Variants in NFIB observed in about 807,000 individuals in gnomAD.
The protein encoded by NFIB is nuclear factor 1 B-type.
NFIB carries 11 observed loss-of-function variants against 61.5 expected under a neutral mutation model. The observed-to-expected ratio is 0.18, with a 90% CI of 0.11 to 0.30. The LOEUF (loss-of-function observed/expected upper bound fraction) is 0.30. Among genes scored for constraint, NFIB ranks in the 10% least tolerant of loss-of-function variants. The pLI is 1.00. For synonymous variants in NFIB, 260 were observed against 216.5 expected (o/e 1.20, Z -1.76); for missense variants, 471 against 608.9 (o/e 0.77, Z 2.38).
intron 1 of NFIB, among the ~76,000 whole-genome samples, chr9:14,310,077 T>C (rs2060211077): frequency 6.6e-6 from 1 of 152,244 alleles, no homozygotes; most frequent in South Asian, 2.1e-4. Context: ...TGAGTTTCAA[T>C]ATTTGATTAT....
the NFIB span, among the ~76,000 whole-genome samples, chr9:14,515,208 T>C: frequency 6.6e-6 from 1 of 151,546 alleles, no homozygotes; most frequent in African/African-American, 2.4e-5. Flanking sequence ...ATCGCTAAGG[T>C]AGGGACATTG....
chr9:14,186,971 TTCTC>T (rs375135227), intron 2 of NFIB, among the ~76,000 whole-genome samples: 2,056 of 150,566 alleles, frequency 0.014, 53 homozygotes, highest in African/African-American at 0.047. Flanking sequence ...GGGAAATGGT[TTCTC>T]TCTCTCTCTC....
At chr9:14,191,880 T>G (rs1184671232) in intron 2 of NFIB, among the ~76,000 whole-genome samples, 1 of 152,252 alleles carries the variant, frequency 6.6e-6, no homozygotes, top group Non-Finnish European at 1.5e-5. Context: ...ATTTCAAAAC[T>G]GACATTGCCT....
At chr9:14,329,538 G>A (rs1230869259) in intron 1 of NFIB, among the ~76,000 whole-genome samples, 4 of 151,632 alleles carry the variant, frequency 2.6e-5, no homozygotes, top group African/African-American at 4.8e-5. Flanking sequence ...TTTTTAAGAC[G>A]GAGTCTCACT....
intron 1 of NFIB, among the ~76,000 whole-genome samples, chr9:14,388,467 AAG>A (rs149904785): frequency 0.03 from 4,346 of 143,448 alleles, 200 homozygotes; most frequent in African/African-American, 0.096. Flanking sequence ...GAGAAAGAAA[AAG>A]AGAGAGAGAG....
chr9:14,239,851 G>A (rs905386609), intron 2 of NFIB, among the ~76,000 whole-genome samples: 3 of 152,122 alleles, frequency 2.0e-5, no homozygotes, highest in African/African-American at 4.8e-5. Flanking sequence ...GGGAGAGAGT[G>A]CAAGAGTTTA....
chr9:14,442,747 T>C, the NFIB span, among the ~76,000 whole-genome samples: 1 of 152,182 alleles, frequency 6.6e-6, no homozygotes, highest in Non-Finnish European at 1.5e-5. Flanking sequence ...GTAAAGACTC[T>C]CTGAATAAGG....
At chr9:14,378,259 C>T (rs746654094) in intron 1 of NFIB, among the ~76,000 whole-genome samples, 1 of 152,206 alleles carries the variant, frequency 6.6e-6, no homozygotes, top group Non-Finnish European at 1.5e-5. Flanking sequence ...TATTTAGGCT[C>T]AATATCTGGT....
the NFIB span, among the ~76,000 whole-genome samples, chr9:14,498,634 G>T: frequency 6.6e-6 from 1 of 152,116 alleles, no homozygotes. Flanking sequence ...GAGGAAATTT[G>T]GGTGTCTGGA....
chr9:14,122,533 A>G (rs1387199564), intron 7 of NFIB, among the ~76,000 whole-genome samples: 1 of 152,240 alleles, frequency 6.6e-6, no homozygotes. Flanking sequence ...TTCTTAAAAC[A>G]AAACTCTTTA....
At chr9:14,487,371 T>C in the NFIB span, among the ~76,000 whole-genome samples, 2 of 152,214 alleles carry the variant, frequency 1.3e-5, no homozygotes, top group East Asian at 1.9e-4. Flanking sequence ...AGGGAAAGCA[T>C]GTAACTGGCA....
chr9:14,376,839 A>G (rs1327501032), intron 1 of NFIB, among the ~76,000 whole-genome samples: 4 of 152,148 alleles, frequency 2.6e-5, no homozygotes, highest in Middle Eastern at 3.4e-3. Context: ...TTTTTTTTAA[A>G]AAAAGAGAGA....
chr9:14,167,518 G>A (rs1232986114), intron 3 of NFIB, among the ~76,000 whole-genome samples: 5 of 152,174 alleles, frequency 3.3e-5, no homozygotes, highest in Non-Finnish European at 5.9e-5. Context: ...GGGCAACAGA[G>A]TGAGATGCTG....
intron 2 of NFIB, among the ~76,000 whole-genome samples, chr9:14,290,896 T>C (rs974966953): frequency 5.9e-5 from 9 of 152,092 alleles, no homozygotes; most frequent in African/African-American, 2.2e-4. Flanking sequence ...TTTTATAGTA[T>C]GCTCTCATAA....
Position 14,339,003 on chromosome 9 carries a change from C to T in NFIB, c.109-31483G>A, listed in dbSNP as rs190142791. ...GGACAGGAAAAATCAAAGATGGAAA[C>T]ATTCTGCTCATGAGCCTGGGAAAAG... On this transcript the variant is annotated intron_variant, in intron 1 of 8. Transcript: ENST00000380934. 1.2e-3 allele frequency among the ~76,000 whole-genome samples: 182 copies of T among 152,228 alleles called. 1 individual carries two copies. The highest frequency in any genetic ancestry group is 4.2e-3 in the African/African-American group (173 of 41,544).
intron 2 of NFIB, among the ~76,000 whole-genome samples, chr9:14,214,980 T>A (rs1445506871): frequency 6.6e-6 from 1 of 152,236 alleles, no homozygotes; most frequent in African/African-American, 2.4e-5. Flanking sequence ...AATTTAGGCT[T>A]GGGAGCAACG....
chr9:14,426,106 C>T, the NFIB span, among the ~76,000 whole-genome samples: 647 of 152,218 alleles, frequency 4.3e-3, 7 homozygotes, highest in African/African-American at 0.015. Context: ...GAAGAGTGGT[C>T]CTGCCATTGA....
At chr9:14,107,675 C>G (rs1283031645) in intron 10 of NFIB, among the ~76,000 whole-genome samples, 4 of 152,144 alleles carry the variant, frequency 2.6e-5, no homozygotes, top group African/African-American at 9.6e-5. Context: ...ACACTAAAAC[C>G]CAAACCTTCT....
chr9:14,411,247 T>A, the NFIB span, among the ~76,000 whole-genome samples: 1 of 152,208 alleles, frequency 6.6e-6, no homozygotes, highest in East Asian at 1.9e-4. Context: ...ATATTAGCAA[T>A]TTTGGTTGGT....
Sources: gnomAD v4.1 joint callset for allele counts (sites outside exome capture counted in the v4.1 genomes callset) on GRCh38, gnomAD v4.1.1 for gene constraint, MANE v1.5 for transcripts, NCBI Gene and HGNC (gene_info 2026-07-23, HGNC 2026-07-21) for gene names.